Variants in HEATR4 observed in about 807,000 individuals in gnomAD.
HEATR4 encodes HEAT repeat-containing protein 4.
Under a neutral mutation model 108.8 loss-of-function variants are expected in HEATR4, and 95 were observed. The observed-to-expected ratio is 0.87, with a 90% CI of 0.74 to 1.04. The LOEUF is 1.04. HEATR4 is among the 50% of genes least tolerant of loss of function. HEATR4 has a pLI of 0.00. For synonymous variants in HEATR4, 443 were observed against 459.4 expected (o/e 0.96, Z 0.46); for missense variants, 1,152 against 1,253.8 (o/e 0.92, Z 1.23).
chr14:73,573,646 G>A, the HEATR4 span: 1 of 1,603,750 alleles, frequency 6.2e-7, no homozygotes. Context: ...TTCTTAAATG[G>A]TCTGGGTTTT....
At chr14:73,526,740 C>T (rs1443970304) in intron 2 of HEATR4, among the ~76,000 whole-genome samples, 1 of 152,164 alleles carries the variant, frequency 6.6e-6, no homozygotes, top group Admixed American at 6.6e-5. Flanking sequence ...GGCAGGATTC[C>T]CCACCTGCTG....
chr14:73,600,141 T>A, the HEATR4 span, among the ~76,000 whole-genome samples: 3 of 152,048 alleles, frequency 2.0e-5, no homozygotes, highest in Non-Finnish European at 4.4e-5. Flanking sequence ...CTATAGACAG[T>A]CCTGTTCAAA....
chr14:73,480,482 T>C lies in HEATR4; in HGVS notation c.2845-1640A>G, dbSNP rs1235212797. Among the ~76,000 whole-genome samples, 4 of 152,236 alleles carry C rather than the reference T, an allele frequency of 2.6e-5. No homozygotes were observed. The East Asian group carries it at 7.7e-4, about 29-fold the overall frequency. On this transcript the variant is annotated intron_variant, in intron 17 of 17. Coordinates refer to ENST00000553558, the MANE Select transcript of HEATR4 (RefSeq NM_001220484.1). The stretch of plus-strand genomic sequence containing the variant: ...ATCAATTATAATGGACCATATTATT[T>C]TAATTTTAATTTTCAAGATTTATTC...
intron 10 of HEATR4, 102 bp from the exon 11 acceptor site, chr14:73,503,115 A>T (rs1886583454): frequency 2.2e-6 from 2 of 904,544 alleles, no homozygotes; most frequent in Non-Finnish European, 3.6e-6. Context: ...TCACTGTACT[A>T]ATGAGGATTG....
chr14:73,628,591 T>C, the HEATR4 span, among the ~76,000 whole-genome samples: 2 of 152,058 alleles, frequency 1.3e-5, no homozygotes, highest in East Asian at 3.9e-4. Context: ...CTGTCTCTAC[T>C]AAAAATACAA....
At chr14:73,520,789 A>T in intron 4 of HEATR4, 63 bp downstream of exon 4, 1 of 1,463,168 alleles carries the variant, frequency 6.8e-7, no homozygotes, top group South Asian at 1.3e-5. Flanking sequence ...AGCCCCCAGC[A>T]ATCTTCCACC....
chr14:73,576,792 T>C, the HEATR4 span, among the ~76,000 whole-genome samples: 1 of 2,208 alleles, frequency 4.5e-4, no homozygotes, highest in African/African-American at 3.4e-3. Context: ...AGACACAGTC[T>C]CAAAAAAAAA....
chr14:73,491,092 C>T (rs1885689005), intron 17 of HEATR4: 2 of 1,600,730 alleles, frequency 1.2e-6, no homozygotes, highest in Admixed American at 1.7e-5. Context: ...CCCAGCCACA[C>T]AGCGGGTCGG....
At chr14:73,623,554 A>G in the HEATR4 span, among the ~76,000 whole-genome samples, 38 of 152,106 alleles carry the variant, frequency 2.5e-4, 1 homozygote, top group Non-Finnish European at 1.3e-4. Flanking sequence ...AGGTATGGTA[A>G]TGAGCACCTG....
At chr14:73,630,514 A>AT in the HEATR4 span, among the ~76,000 whole-genome samples, 1 of 152,138 alleles carries the variant, frequency 6.6e-6, no homozygotes, top group African/African-American at 2.4e-5. Flanking sequence ...TCCCCCAATA[A>AT]AATGCTACTA....
chr14:73,575,606 T>G, the HEATR4 span: 1 of 1,569,372 alleles, frequency 6.4e-7, no homozygotes, highest in Non-Finnish European at 8.6e-7. Flanking sequence ...TCTTTTGTTT[T>G]TAATAACTAA....
chr14:73,492,383 C>T lies in HEATR4; in HGVS notation c.2844+683G>A, dbSNP rs1885827519. The T allele has an allele frequency of 1.2e-6, 2 of 1,613,710 alleles. No homozygotes were observed. The highest frequency in any genetic ancestry group is 1.3e-5 in the African/African-American group (1 of 74,890). The stretch of plus-strand genomic sequence containing the variant: ...TGTGGAGTTTCGGAGGGGTCTGCCC[C>T]GAGACTTCATGGATTACATGGGGGC... On this transcript the variant is annotated intron_variant, in intron 17 of 17. Transcript: ENST00000553558. This position sits in a 1 kb window ranked among gnomAD's most constrained non-coding sequence, Gnocchi z 4.9.
chr14:73,572,866 G>A, the HEATR4 span, among the ~76,000 whole-genome samples: 13 of 149,828 alleles, frequency 8.7e-5, no homozygotes, highest in Admixed American at 8.0e-4. Context: ...GGCTGGTCTC[G>A]AACTCCTGAC....
In HEATR4 at chr14:73,542,648, CA is replaced by C. The variant is rs1889129662; in HGVS notation, c.-151-12405del. 1.8e-5 allele frequency among the ~76,000 whole-genome samples: 2 copies of C among 110,318 alleles called. 1 individual carries two copies. The highest frequency in any genetic ancestry group is 5.7e-4 in the South Asian group (2 of 3,498). 72.4% of individuals were successfully genotyped at this position (110,318 alleles called of 152,430 possible). A position where few individuals can be genotyped will look rare whatever the true frequency, so the allele number is the denominator to read the frequency against. ...CTCGAACTCCTGACCTCAAATGATC[CA>C]CCCGCCTCAGCCTCCCAAACTGTTG... On this transcript the variant is annotated intron_variant, in intron 1 of 17. Transcript: ENST00000553558.
the HEATR4 span, chr14:73,617,233 A>T: frequency 6.2e-7 from 1 of 1,613,866 alleles, no homozygotes; most frequent in Non-Finnish European, 8.5e-7. Flanking sequence ...GAGAGGGGAT[A>T]GAGCTGATGC....
At chr14:73,489,879 G>A (rs1885606873) in intron 17 of HEATR4, among the ~76,000 whole-genome samples, 1 of 152,224 alleles carries the variant, frequency 6.6e-6, no homozygotes, top group African/African-American at 2.4e-5. Flanking sequence ...GAAGTTAGGT[G>A]GAGGAACTCC....
At chr14:73,483,865 T>G (rs557692267) in intron 17 of HEATR4, among the ~76,000 whole-genome samples, 1 of 152,256 alleles carries the variant, frequency 6.6e-6, no homozygotes, top group South Asian at 2.1e-4. Flanking sequence ...TCAATTTTTT[T>G]TTTTTGAGAC....
At chr14:73,554,100 G>C (rs1453751475) in intron 1 of HEATR4, among the ~76,000 whole-genome samples, 1 of 114,224 alleles carries the variant, frequency 8.8e-6, no homozygotes, top group African/African-American at 2.8e-5. Flanking sequence ...CAGATCACTA[G>C]AGACCAGGAG....
intron 17 of HEATR4, among the ~76,000 whole-genome samples, chr14:73,481,926 C>A (rs966756121): frequency 2.0e-5 from 3 of 151,768 alleles, no homozygotes; most frequent in African/African-American, 7.3e-5. Context: ...TGAGCAGGGG[C>A]AGTTGAGGCT....
Sources: gnomAD v4.1 joint callset for allele counts (sites outside exome capture counted in the v4.1 genomes callset) on GRCh38, gnomAD v4.1.1 for gene constraint, Gnocchi (gnomAD v3.1) non-coding constraint, MANE v1.5 for transcripts, NCBI Gene and HGNC (gene_info 2026-07-23, HGNC 2026-07-21) for gene names.